The following ACSF3 variants were observed in gnomAD, a reference collection of about 807,000 sequenced individuals.
The protein encoded by ACSF3 is malonate--CoA ligase ACSF3, mitochondrial.
ACSF3 carries 78 observed loss-of-function variants against 53.2 expected under a neutral mutation model. The ratio of observed to expected loss-of-function variants is 1.47; its 90% CI spans 1.22 to 1.77. The LOEUF is 1.77. Among genes scored for constraint, ACSF3 ranks in the 40% most tolerant of loss-of-function variants. The pLI is 0.00. For missense variants in ACSF3, 937 were observed against 771.1 expected (o/e 1.22, Z -2.55); for synonymous variants, 414 against 333.1 (o/e 1.24, Z -2.65).
Position 89,154,368 on chromosome 16 carries a change from G to T in ACSF3, c.*161G>T, listed in dbSNP as rs1304127598. The T allele has an allele frequency of 1.3e-6, 1 of 756,282 alleles. No individual in the cohort carries two copies. Among genetic ancestry groups the T allele is most frequent in the Non-Finnish European group, 2.3e-6 (1 of 438,302 alleles). The allele number at this position is 756,282 out of a possible 1,614,324, so 46.8% of individuals were successfully genotyped here. On this transcript the variant is annotated 3_prime_UTR_variant, in exon 11 of 11. Transcript: ENST00000614302. ...TGTTTGGGATGAAATCACCATGTGG[G>T]GTCCCCAGCCTCGGGCCAGTTGTTG...
chr16:89,139,029 C>T (rs1439634133), intron 8 of ACSF3, among the ~76,000 whole-genome samples: 3 of 152,366 alleles, frequency 2.0e-5, no homozygotes, highest in East Asian at 3.9e-4. Flanking sequence ...CACCTCCAGG[C>T]TCCTTTTTGC....
In ACSF3 at chr16:89,100,908, T is replaced by C. The variant is rs766802453; in HGVS notation, c.227T>C (p.Leu76Pro). 1.2e-6 allele frequency: 2 copies of C among 1,613,862 alleles called. No individual in the cohort carries two copies. The highest frequency in any genetic ancestry group is 2.2e-5 in the South Asian group (2 of 91,090). Residue 76 changes from leucine (L) to proline (P), a missense_variant, in exon 3 of 11, where the codon CTT becomes CCT. Coordinates refer to ENST00000614302, the MANE Select transcript of ACSF3 (RefSeq NM_001243279.3). ...TACAGGGAGCTTTATTCCCGCAGCCTTCGCCTGTCCCAGGAGATCTGCAGG... is the reference window on the plus strand; with the variant it reads ...TACAGGGAGCTTTATTCCCGCAGCCCTCGCCTGTCCCAGGAGATCTGCAGG... ...HTYRELYSRS[L>P]RLSQEICRLC...
chr16:89,146,372 A>T lies in ACSF3; in HGVS notation c.1613+323A>T, dbSNP rs368897030. Among the ~76,000 whole-genome samples the T allele has an allele frequency of 4.6e-5, 7 of 152,218 alleles. No homozygotes were observed. In the South Asian group the frequency reaches 6.2e-4, roughly 14 times the overall value. The stretch of plus-strand genomic sequence containing the variant: ...ATCCCGGATGAGCCAGGCCAGGCCC[A>T]TGCAGGAGGTGCATGGAGCTGAGAT... On this transcript the variant is annotated intron_variant, in intron 10 of 10. Coordinates refer to ENST00000614302, the MANE Select transcript of ACSF3 (RefSeq NM_001243279.3).
At position 89,146,061 on chromosome 16, in the gene ACSF3, TG is replaced by T. The variant is rs748023857; in HGVS notation, c.1613+16del. On this transcript the variant is annotated intron_variant, in intron 10 of 10. Coordinates refer to ENST00000614302, the MANE Select transcript of ACSF3 (RefSeq NM_001243279.3). ...AAAGAGTGGGCCAGGTAGGGCTGGGTGGGGCGGGCAGGGAGCACTCATGGGG... is the reference window on the plus strand; with the variant it reads ...AAAGAGTGGGCCAGGTAGGGCTGGGTGGGCGGGCAGGGAGCACTCATGGGG... The T allele has an allele frequency of 2.0e-5, 7 of 356,218 alleles. No individual in the cohort carries two copies. In the African/African-American group the frequency reaches 2.4e-4, roughly 12 times the overall value. 22.1% of individuals were successfully genotyped at this position (356,218 alleles called of 1,614,324 possible).
intron 1 of ACSF3, among the ~76,000 whole-genome samples, chr16:89,095,837 C>T (rs1185854463): frequency 6.6e-6 from 1 of 152,202 alleles, no homozygotes; most frequent in Non-Finnish European, 1.5e-5. Context: ...ACTGTGCCAT[C>T]TTAGCGGTGG....
chr16:89,138,645 G>A (rs905885456), intron 8 of ACSF3, among the ~76,000 whole-genome samples: 3 of 152,208 alleles, frequency 2.0e-5, no homozygotes, highest in Non-Finnish European at 2.9e-5. Context: ...ATATGTCCAC[G>A]CTGACAGCTC....
At chr16:89,115,984 G>C (rs2151460687) in intron 6 of ACSF3, among the ~76,000 whole-genome samples, 1 of 152,274 alleles carries the variant, frequency 6.6e-6, no homozygotes, top group South Asian at 2.1e-4. Context: ...GGAGTTTTAG[G>C]TTTTGGCCCG....
intron 5 of ACSF3, chr16:89,113,299 C>T: frequency 6.6e-6 from 1 of 152,320 alleles, no homozygotes; most frequent in East Asian, 1.9e-4. Flanking sequence ...AGGAAGTGCA[C>T]AGGGAAGCGG....
At chr16:89,131,313 A>G (rs2151514670) in intron 7 of ACSF3, among the ~76,000 whole-genome samples, 1 of 151,296 alleles carries the variant, frequency 6.6e-6, no homozygotes, top group Non-Finnish European at 1.5e-5. Flanking sequence ...TTTTGTAGAG[A>G]CAGGGTTTTG....
At chr16:89,150,752 G>A (rs943310118) in intron 10 of ACSF3, 3 of 347,136 alleles carry the variant, frequency 8.6e-6, no homozygotes, top group Non-Finnish European at 1.7e-5. Context: ...AGGAGCCCTG[G>A]AGCCAGGCCC....
At position 89,103,162 on chromosome 16, in the gene ACSF3, G is replaced by A. The variant is rs974092285; in HGVS notation, c.822+403G>A. On this transcript the variant is annotated intron_variant, in intron 4 of 10. Coordinates refer to ENST00000614302, the MANE Select transcript of ACSF3 (RefSeq NM_001243279.3). Reference sequence around the variant, plus strand: ...TGTGCTCGTCTGTTGTGAGACTGCAGTGGGCCACGCGTCATTGAAACCGTG... The same window carrying A: ...TGTGCTCGTCTGTTGTGAGACTGCAATGGGCCACGCGTCATTGAAACCGTG... Among the ~76,000 whole-genome samples the A allele has an allele frequency of 6.6e-5, 10 of 152,386 alleles. No individual in the cohort carries two copies. In the South Asian group the frequency reaches 2.1e-3, roughly 32 times the overall value.
At chr16:89,104,205 T>C (rs928486139) in intron 4 of ACSF3, among the ~76,000 whole-genome samples, 3 of 152,238 alleles carry the variant, frequency 2.0e-5, no homozygotes, top group African/African-American at 7.2e-5. Flanking sequence ...TCTGCCCGTA[T>C]AATGAATATG....
Position 89,114,382 on chromosome 16 carries a change from G to T in ACSF3, c.1021G>T (p.Glu341Ter), listed in dbSNP as rs1227945023. 1 of 1,614,096 alleles carries T rather than the reference G, an allele frequency of 6.2e-7. No individual in the cohort carries two copies. Among genetic ancestry groups the T allele is most frequent in the Non-Finnish European group, 8.5e-7 (1 of 1,180,046 alleles). Residue 341 changes from glutamate to a stop codon, truncating the protein, a stop_gained, in exon 6 of 11, where the codon GAG becomes TAG. Transcript: ENST00000614302. LOFTEE classifies it high-confidence loss of function. The stretch of plus-strand genomic sequence containing the variant: ...AGCTGCCCTGCCCCTCCCAGTGCTG[G>T]AGAAGTGGAAGAACATCACGGGCCA... ...GSAALPLPVL[E>*]KWKNITGHTL...
intron 10 of ACSF3, among the ~76,000 whole-genome samples, chr16:89,146,557 C>G (rs546303590): frequency 2.6e-5 from 4 of 152,220 alleles, no homozygotes; most frequent in Non-Finnish European, 4.4e-5. Context: ...CTCTCCTGCC[C>G]TGGGGGTGGG....
intron 6 of ACSF3, among the ~76,000 whole-genome samples, chr16:89,119,240 C>A (rs1241143015): frequency 1.3e-5 from 2 of 152,256 alleles, no homozygotes; most frequent in African/African-American, 4.8e-5. Flanking sequence ...CACGGCCTCC[C>A]CACCTGCGGC....
chr16:89,129,097 A>G (rs1337418141), intron 7 of ACSF3, among the ~76,000 whole-genome samples: 1 of 152,140 alleles, frequency 6.6e-6, no homozygotes, highest in Admixed American at 6.5e-5. Context: ...ATGCCACCGC[A>G]CTCCAGCCTG....
rs1388533218 is a variant in ACSF3, at chr16:89,156,233, A to G, written c.*2026A>G. 6.7e-6 allele frequency among the ~76,000 whole-genome samples: 1 copy of G among 149,906 alleles called. No homozygotes were observed. ...CCCATTAAAGCCCAGTTTATTCCCC[A>G]TCTTGGCCTCTGGTGCTGACCTGGC... is the stretch of plus-strand genomic sequence containing the variant. On this transcript the variant is annotated 3_prime_UTR_variant, in exon 11 of 11. Coordinates refer to ENST00000614302, the MANE Select transcript of ACSF3 (RefSeq NM_001243279.3).
chr16:89,141,349 T>C (rs1911724995), intron 8 of ACSF3: 2 of 1,255,088 alleles, frequency 1.6e-6, no homozygotes, highest in Non-Finnish European at 1.0e-6. Context: ...TGCTCTGTGC[T>C]GAGAAGCTAG....
intron 10 of ACSF3, chr16:89,150,658 A>G (rs72819313): frequency 0.051 from 13,710 of 267,166 alleles, 541 homozygotes; most frequent in East Asian, 0.16. Context: ...GGGCCCGCTG[A>G]GGAGAAGCCG....
Sources: allele counts gnomAD v4.1 joint callset (sites outside exome capture counted in the v4.1 genomes callset), GRCh38; gene constraint gnomAD v4.1.1; transcripts MANE v1.5; gene names NCBI Gene and HGNC (gene_info 2026-07-23, HGNC 2026-07-21).